Variants in PTPRG observed in about 807,000 individuals in gnomAD.
PTPRG encodes receptor-type tyrosine-protein phosphatase gamma.
Under a neutral mutation model 165.3 loss-of-function variants are expected in PTPRG, and 102 were observed. The observed-to-expected ratio is 0.62, with a 90% CI of 0.53 to 0.73. The LOEUF is 0.73. PTPRG is among the 30% of genes least tolerant of loss of function. The pLI is 0.00. For missense variants in PTPRG, 1,866 were observed against 1,861.4 expected, an observed-to-expected ratio of 1.00 and a Z score of -0.05; for synonymous variants, 675 against 669.5, an observed-to-expected ratio of 1.01 and a Z score of -0.13.
intron 2 of PTPRG, among the ~76,000 whole-genome samples, chr3:61,869,658 A>G (rs1443938624): frequency 6.6e-6 from 1 of 151,320 alleles, no homozygotes; most frequent in Non-Finnish European, 1.5e-5. Flanking sequence ...GGCTTACTGC[A>G]GCCTCAACCT....
At chr3:61,632,125 C>G (rs551347556) in intron 1 of PTPRG, among the ~76,000 whole-genome samples, 1 of 152,198 alleles carries the variant, frequency 6.6e-6, no homozygotes, top group Non-Finnish European at 1.5e-5. Context: ...GGCAACATGG[C>G]TAAACCTCAT....
At chr3:61,930,909 A>G (rs1053654291) in intron 2 of PTPRG, among the ~76,000 whole-genome samples, 28 of 152,140 alleles carry the variant, frequency 1.8e-4, no homozygotes, top group African/African-American at 6.0e-4. Flanking sequence ...AAAAAATACA[A>G]AATACAGAAA....
chr3:61,788,500 A>G (rs150434792), intron 2 of PTPRG, among the ~76,000 whole-genome samples: 63 of 152,354 alleles, frequency 4.1e-4, no homozygotes, highest in African/African-American at 1.4e-3. Flanking sequence ...CACAATGACA[A>G]ATTCTCAAAT....
chr3:62,030,627 G>T (rs1372299308), intron 4 of PTPRG, among the ~76,000 whole-genome samples: 1 of 152,138 alleles, frequency 6.6e-6, no homozygotes, highest in Non-Finnish European at 1.5e-5. Flanking sequence ...CATGAATCTT[G>T]GGGTGGTGGG....
chr3:61,574,293 A>G (rs1700127762), intron 1 of PTPRG, among the ~76,000 whole-genome samples: 2 of 152,154 alleles, frequency 1.3e-5, no homozygotes, highest in Admixed American at 6.5e-5. Context: ...TGAGCTGATC[A>G]TTTTTGCTTG....
intron 7 of PTPRG, among the ~76,000 whole-genome samples, chr3:62,167,018 G>A (rs557058775): frequency 6.6e-6 from 1 of 152,016 alleles, no homozygotes; most frequent in South Asian, 2.1e-4. Context: ...ATATGATTTG[G>A]GCACCCTGAT....
chr3:62,136,153 A>G (rs779587609), intron 6 of PTPRG, among the ~76,000 whole-genome samples: 2 of 152,152 alleles, frequency 1.3e-5, no homozygotes, highest in Non-Finnish European at 2.9e-5. Context: ...AGAGATTCTT[A>G]CAAACAGTCC....
At chr3:61,723,881 C>G (rs1179928574) in intron 1 of PTPRG, among the ~76,000 whole-genome samples, 1 of 152,194 alleles carries the variant, frequency 6.6e-6, no homozygotes, top group Non-Finnish European at 1.5e-5. Context: ...CTTTCCTCTA[C>G]TATCTCCAAA....
Position 62,275,936 on chromosome 3 carries a change from G to C in PTPRG, c.3529G>C (p.Glu1177Gln), listed in dbSNP as rs754147699. ...CAGTGCTCAGAAAGAGTGTAACAAAGAAAAGAACAGAAACTCTTCAGTTGT... is the reference window on the plus strand; with the variant it reads ...CAGTGCTCAGAAAGAGTGTAACAAACAAAAGAACAGAAACTCTTCAGTTGT... The part of the protein sequence containing the change: ...CFSAQKECNK[E>Q]KNRNSSVVPS... The change falls in exon 24 of 30, where the codon GAA (glutamate) becomes CAA (glutamine). Residue 1177 changes from glutamate to glutamine, a missense_variant. Coordinates refer to ENST00000474889, the MANE Select transcript of PTPRG (RefSeq NM_002841.4). The C allele has an allele frequency of 1.9e-6, 3 of 1,610,904 alleles. No homozygotes were observed. In the Admixed American group the frequency reaches 5.0e-5, roughly 27 times the overall value.
intron 3 of PTPRG, among the ~76,000 whole-genome samples, chr3:61,995,682 GCCTTCCTTCCTTCCTTCCTT>G (rs781558844): frequency 2.1e-3 from 150 of 72,796 alleles, no homozygotes; most frequent in Middle Eastern, 0.014. Context: ...CTGCCCGCCC[GCCTTCCTTCCTTCCTTCCTT>G]CCTTCCTTCC....
At chr3:62,289,225 A>G (rs1426741407) in intron 28 of PTPRG, among the ~76,000 whole-genome samples, 1 of 152,218 alleles carries the variant, frequency 6.6e-6, no homozygotes, top group African/African-American at 2.4e-5. Flanking sequence ...ACTGGTACCC[A>G]TACCATAGGG....
intron 5 of PTPRG, among the ~76,000 whole-genome samples, chr3:62,119,595 A>G (rs992027587): frequency 6.6e-6 from 1 of 151,538 alleles, no homozygotes; most frequent in African/African-American, 2.4e-5. Context: ...ATGGGTTGTG[A>G]TTAGATTTTT....
intron 14 of PTPRG, among the ~76,000 whole-genome samples, chr3:62,238,199 C>A (rs141647879): frequency 1.3e-5 from 2 of 152,146 alleles, no homozygotes; most frequent in African/African-American, 4.8e-5. Context: ...TTCACATTTC[C>A]CGTTTCACTT....
chr3:61,930,786 G>T (rs368777820), intron 2 of PTPRG, among the ~76,000 whole-genome samples: 1 of 152,328 alleles, frequency 6.6e-6, no homozygotes, highest in South Asian at 2.1e-4. Flanking sequence ...GCGGCCAGGC[G>T]CAGTGGCTCA....
chr3:62,260,449 C>T (rs867060155), intron 16 of PTPRG, among the ~76,000 whole-genome samples: 1 of 152,102 alleles, frequency 6.6e-6, no homozygotes, highest in Middle Eastern at 3.2e-3. Flanking sequence ...CTAAAATTCT[C>T]GTTACATCAA....
At chr3:61,642,628 A>G (rs923545538) in intron 1 of PTPRG, among the ~76,000 whole-genome samples, 23 of 152,230 alleles carry the variant, frequency 1.5e-4, no homozygotes, top group Admixed American at 1.1e-3. Flanking sequence ...AAGTTTGTCT[A>G]TCTACACTCT....
intron 1 of PTPRG, among the ~76,000 whole-genome samples, chr3:61,614,970 G>A (rs62244364): frequency 6.6e-6 from 1 of 151,984 alleles, no homozygotes; most frequent in Non-Finnish European, 1.5e-5. Context: ...AGAACCTACC[G>A]CTTCCAAACA....
At chr3:62,140,326 A>G (rs1703875388) in intron 6 of PTPRG, among the ~76,000 whole-genome samples, 2 of 152,224 alleles carry the variant, frequency 1.3e-5, no homozygotes, top group African/African-American at 4.8e-5. Flanking sequence ...TATGAGCCTT[A>G]TTCATAATAG....
In PTPRG at chr3:62,273,446, C is replaced by G. The variant is rs79099903; in HGVS notation, c.3319-252C>G. 1.7e-4 allele frequency among the ~76,000 whole-genome samples: 26 copies of G among 152,160 alleles called. No individual in the cohort carries two copies. The East Asian group carries it at 2.3e-3, about 14-fold the overall frequency. On this transcript the variant is annotated intron_variant, in intron 22 of 29. Transcript: ENST00000474889. The surrounding 1 kb of genome is among the most constrained non-coding windows in gnomAD (Gnocchi z 4.1). ...TTTTTGTTTGCTTATTGAGTTGAAG[C>G]AATAAGCACAGTATAGAATACCGTG...
Sources: gnomAD v4.1 joint callset for allele counts (sites outside exome capture counted in the v4.1 genomes callset) on GRCh38, gnomAD v4.1.1 for gene constraint, Gnocchi (gnomAD v3.1) non-coding constraint, MANE v1.5 for transcripts, NCBI Gene and HGNC (gene_info 2026-07-23, HGNC 2026-07-21) for gene names.